The following TIPARP variants were observed in gnomAD, a reference collection of about 807,000 sequenced individuals.
TIPARP encodes the protein protein mono-ADP-ribosyltransferase TIPARP.
A neutral mutation model predicts 56.5 loss-of-function variants in TIPARP; 12 were observed. The observed-to-expected ratio is 0.21, with a 90% CI of 0.14 to 0.34. TIPARP has a LOEUF of 0.34. Among genes scored for constraint, TIPARP ranks in the 10% least tolerant of loss-of-function variants. TIPARP has a pLI of 1.00. For missense variants in TIPARP, 604 were observed against 781.6 expected (o/e 0.77, Z 2.71); for synonymous variants, 296 against 265.7 (o/e 1.11, Z -1.11).
intron 1 of TIPARP, chr3:156,675,808 G>T (rs1722110200): frequency 6.6e-6 from 1 of 152,100 alleles, no homozygotes; most frequent in African/African-American, 2.4e-5. Context: ...GTCGCCTGCC[G>T]CTGGAGACCG....
At position 156,706,021 on chromosome 3, in the gene TIPARP, C is replaced by T. The variant is rs763726830; in HGVS notation, c.*890C>T. The T allele has an allele frequency of 3.3e-5, 5 of 152,534 alleles. No homozygotes were observed. The highest frequency in any genetic ancestry group is 7.4e-5 in the Non-Finnish European group (5 of 68,020). The allele number at this position is 152,534 out of a possible 1,614,324, so 9.4% of individuals were successfully genotyped here. On this transcript the variant is annotated 3_prime_UTR_variant, in exon 6 of 6. Coordinates refer to ENST00000295924, the MANE Select transcript of TIPARP (RefSeq NM_015508.5). ...TAGAAAAAGGAAGTACATCTATAGC[C>T]AAATTGATAAGGTTATTACTGTGTT...
rs1722710178 is a variant in TIPARP at position 156,696,130 on chromosome 3, C to A, written c.1247+105C>A. 10 of 1,183,784 alleles carry A rather than the reference C, an allele frequency of 8.4e-6. No homozygotes were observed. The African/African-American group carries it at 9.7e-5, about 11-fold the overall frequency. The allele number at this position is 1,183,784 out of a possible 1,614,324, so 73.3% of individuals were successfully genotyped here. ...ATAAGAGTCTACCTTGGTTAGTACT[C>A]CTAGAATGTGAAATTCCAAATTAGT... On this transcript the variant is annotated intron_variant, in intron 4 of 5. Coordinates refer to ENST00000295924, the MANE Select transcript of TIPARP (RefSeq NM_015508.5).
At chr3:156,683,556 A>G (rs1416538982) in intron 2 of TIPARP, among the ~76,000 whole-genome samples, 1 of 152,064 alleles carries the variant, frequency 6.6e-6, no homozygotes, top group Non-Finnish European at 1.5e-5. Context: ...CATTCTGCAC[A>G]TAGTGGGCAT....
intron 4 of TIPARP, among the ~76,000 whole-genome samples, chr3:156,699,299 C>A (rs559897503): frequency 2.6e-5 from 4 of 152,152 alleles, no homozygotes; most frequent in African/African-American, 9.7e-5. Context: ...GATGGTACTG[C>A]ATGCAACAGA....
At position 156,686,926 on chromosome 3, in the gene TIPARP, CAA is replaced by C. The variant is rs531372115; in HGVS notation, c.918-7089_918-7088del. Among the ~76,000 whole-genome samples the C allele has an allele frequency of 3.0e-3, 457 of 151,984 alleles. 3 individuals carry two copies. The highest frequency in any genetic ancestry group is 0.01 in the African/African-American group (431 of 41,492). Reference sequence around the variant, plus strand: ...TTTAAGGGATGTCAAAGTCTATATTCAAAAAATTGAATTAACCACTATTTGTG... The same window carrying C: ...TTTAAGGGATGTCAAAGTCTATATTCAAAATTGAATTAACCACTATTTGTG... On this transcript the variant is annotated intron_variant, in intron 2 of 5. Transcript: ENST00000295924.
chr3:156,698,312 G>A (rs948265269), intron 4 of TIPARP, among the ~76,000 whole-genome samples: 3 of 152,316 alleles, frequency 2.0e-5, no homozygotes, highest in South Asian at 2.1e-4. Flanking sequence ...GATGACAGTG[G>A]CTAAACTAAA....
At chr3:156,680,075 T>TA (rs1722256113) in intron 2 of TIPARP, among the ~76,000 whole-genome samples, 1 of 152,170 alleles carries the variant, frequency 6.6e-6, no homozygotes. Flanking sequence ...GACTAGAACT[T>TA]TGCATCTTGT....
At chr3:156,687,460 C>T (rs1304303704) in intron 2 of TIPARP, among the ~76,000 whole-genome samples, 3 of 152,104 alleles carry the variant, frequency 2.0e-5, no homozygotes, top group African/African-American at 7.2e-5. Context: ...ACAAAAAAGC[C>T]AGCATAACAA....
intron 2 of TIPARP, among the ~76,000 whole-genome samples, chr3:156,693,087 T>C (rs1449207906): frequency 1.3e-5 from 2 of 152,210 alleles, no homozygotes; most frequent in African/African-American, 4.8e-5. Flanking sequence ...TGTGGTACAC[T>C]ATGCTACAAT....
chr3:156,687,304 A>G (rs1722454599), intron 2 of TIPARP, among the ~76,000 whole-genome samples: 1 of 152,308 alleles, frequency 6.6e-6, no homozygotes, highest in East Asian at 1.9e-4. Flanking sequence ...TTAATCCCAC[A>G]CTACCATAAA....
intron 2 of TIPARP, among the ~76,000 whole-genome samples, chr3:156,689,957 T>C (rs1042507253): frequency 2.0e-5 from 3 of 152,224 alleles, no homozygotes; most frequent in African/African-American, 7.2e-5. Flanking sequence ...CACACTATGC[T>C]GCAAGGTTTC....
rs767777633 is a variant in TIPARP at position 156,677,805 on chromosome 3, G to T, written c.108G>T (p.Leu36Phe). ...GACTCTCTGAGAAGATCACTCCATT[G>T]AAGACTTGTTTTAAGAAAAAGGATC... ...QMRLSEKITPLKTCFKKKDQK... is the reference protein window; with the variant it reads ...QMRLSEKITPFKTCFKKKDQK... The change falls in exon 2 of 6, where the codon TTG becomes TTT. Residue 36 changes from leucine (L) to phenylalanine (F), a missense_variant. Leu to Phe is a conservative substitution (Grantham distance 22). Coordinates refer to ENST00000295924, the MANE Select transcript of TIPARP (RefSeq NM_015508.5). 1 of 1,614,138 alleles carries T rather than the reference G, an allele frequency of 6.2e-7. No individual in the cohort carries two copies. Among genetic ancestry groups the T allele is most frequent in the South Asian group, 1.1e-5 (1 of 91,080 alleles).
In TIPARP at chr3:156,705,212, G is replaced by T; in HGVS notation, c.*81G>T. The T allele has an allele frequency of 1.2e-6, 1 of 820,132 alleles. No individual in the cohort carries two copies. The highest frequency in any genetic ancestry group is 1.8e-6 in the Non-Finnish European group (1 of 545,126). 50.8% of individuals were successfully genotyped at this position (820,132 alleles called of 1,614,324 possible). On this transcript the variant is annotated 3_prime_UTR_variant, in exon 6 of 6. Coordinates refer to ENST00000295924, the MANE Select transcript of TIPARP (RefSeq NM_015508.5). ...GGTTTTGAATGGGTGGGACTGGGTGGGGAACAGCATTGGACATTAATAGGG... is the reference window on the plus strand; with the variant it reads ...GGTTTTGAATGGGTGGGACTGGGTGTGGAACAGCATTGGACATTAATAGGG...
chr3:156,700,219 T>C (rs1040139407), intron 4 of TIPARP, among the ~76,000 whole-genome samples: 14 of 152,104 alleles, frequency 9.2e-5, no homozygotes. Context: ...GTGATCCTCC[T>C]GCTTTAGCCT....
chr3:156,697,775 G>A (rs1252151500), intron 4 of TIPARP, among the ~76,000 whole-genome samples: 2 of 152,048 alleles, frequency 1.3e-5, no homozygotes, highest in Non-Finnish European at 2.9e-5. Context: ...TTTGTTTTGG[G>A]GTGCCAAGAA....
chr3:156,695,842 T>TTTTATTA, intron 3 of TIPARP, 23 bp from the exon 4 acceptor site: 2 of 1,396,938 alleles, frequency 1.4e-6, no homozygotes, highest in Non-Finnish European at 9.3e-7. Context: ...TTTTTTTTTT[T>TTTTATTA]TGTTCTGTTT....
chr3:156,685,868 A>G (rs1722415909), intron 2 of TIPARP, among the ~76,000 whole-genome samples: 2 of 152,208 alleles, frequency 1.3e-5, no homozygotes, highest in Non-Finnish European at 2.9e-5. Flanking sequence ...AGAATCTTGC[A>G]TGCACCCTGT....
intron 2 of TIPARP, among the ~76,000 whole-genome samples, chr3:156,680,904 C>G (rs1197235689): frequency 6.6e-6 from 1 of 152,164 alleles, no homozygotes; most frequent in Non-Finnish European, 1.5e-5. Context: ...ATTGCTCCTA[C>G]TACATTGTTA....
chr3:156,687,375 A>G (rs754740998), intron 2 of TIPARP, among the ~76,000 whole-genome samples: 1 of 152,186 alleles, frequency 6.6e-6, no homozygotes, highest in Non-Finnish European at 1.5e-5. Flanking sequence ...AAGATTTTAG[A>G]CTTATCCACA....
Sources: allele counts gnomAD v4.1 joint callset (sites outside exome capture counted in the v4.1 genomes callset), GRCh38; gene constraint gnomAD v4.1.1; transcripts MANE v1.5; gene names NCBI Gene and HGNC (gene_info 2026-07-23, HGNC 2026-07-21).